MYO3A: variants seen among roughly 807,000 people sequenced by gnomAD.
The protein encoded by MYO3A is myosin IIIA.
MYO3A carries 180 observed loss-of-function variants against 192.7 expected under a neutral mutation model. The ratio of observed to expected loss-of-function variants is 0.93; its 90% CI spans 0.83 to 1.06. The LOEUF is 1.06. MYO3A is among the 50% of genes least tolerant of loss of function. The pLI, the probability that MYO3A is intolerant of heterozygous loss-of-function variation, is 0.00. For synonymous variants in MYO3A, 628 were observed against 645.3 expected (o/e 0.97, Z 0.41); for missense variants, 1,896 against 1,905.0 (o/e 1.00, Z 0.09).
chr10:26,147,080 G>A (rs1424142576), intron 22 of MYO3A, among the ~76,000 whole-genome samples: 2 of 152,122 alleles, frequency 1.3e-5, no homozygotes, highest in African/African-American at 4.8e-5. Flanking sequence ...AATTATCATA[G>A]AAATAGGAAT....
At chr10:25,992,286 G>A (rs1362211745) in intron 4 of MYO3A, among the ~76,000 whole-genome samples, 7 of 152,072 alleles carry the variant, frequency 4.6e-5, no homozygotes, top group Non-Finnish European at 7.4e-5. Context: ...ATTGTGAATG[G>A]GAGTTCACTC....
At chr10:26,190,496 G>A (rs1281398589) in intron 31 of MYO3A, among the ~76,000 whole-genome samples, 2 of 152,190 alleles carry the variant, frequency 1.3e-5, no homozygotes, top group Admixed American at 6.5e-5. Context: ...AACCTGAGGT[G>A]TGCATTAGGA....
intron 3 of MYO3A, among the ~76,000 whole-genome samples, chr10:25,953,829 T>C (rs1433849268): frequency 2.0e-5 from 3 of 152,168 alleles, no homozygotes; most frequent in East Asian, 1.9e-4. Context: ...ACAGTACATA[T>C]ACATTTTTCT....
At position 26,008,222 on chromosome 10, in the gene MYO3A, A is replaced by G. The variant is rs1841367659; in HGVS notation, c.509-8598A>G. On this transcript the variant is annotated intron_variant, in intron 6 of 34. Coordinates refer to ENST00000642920, the MANE Select transcript of MYO3A (RefSeq NM_017433.5). The stretch of plus-strand genomic sequence containing the variant: ...TGGATCCCTTCCTTACACCTTATAC[A>G]AAAATTAATTCAAGATGGATTAAAG... Among the ~76,000 whole-genome samples, 3 of 148,060 alleles carry G rather than the reference A, an allele frequency of 2.0e-5. No homozygotes were observed. The South Asian group carries it at 6.3e-4, about 31-fold the overall frequency.
intron 4 of MYO3A, among the ~76,000 whole-genome samples, chr10:25,985,180 G>C (rs967044166): frequency 6.7e-6 from 1 of 149,628 alleles, no homozygotes; most frequent in African/African-American, 2.5e-5. Context: ...AGAGGTTGCA[G>C]TGAGCTGAGA....
chr10:26,031,417 T>A (rs1229852985), intron 10 of MYO3A, among the ~76,000 whole-genome samples: 1 of 152,214 alleles, frequency 6.6e-6, no homozygotes. Context: ...GACTTTGAGC[T>A]TTATGTTGCT....
intron 10 of MYO3A, 126 bp from the exon 11 acceptor site, chr10:26,066,849 C>G: frequency 1.5e-6 from 1 of 677,894 alleles, no homozygotes; most frequent in South Asian, 1.7e-5. Flanking sequence ...AGGCTATTTT[C>G]TGGTATCTTA....
chr10:26,095,394 A>G (rs1234052061), intron 15 of MYO3A, among the ~76,000 whole-genome samples: 3 of 152,186 alleles, frequency 2.0e-5, no homozygotes, highest in Admixed American at 6.5e-5. Flanking sequence ...CTAAAACAGG[A>G]GGAGATCCTA....
At chr10:25,947,213 A>G (rs560321624) in intron 2 of MYO3A, among the ~76,000 whole-genome samples, 32 of 151,920 alleles carry the variant, frequency 2.1e-4, no homozygotes, top group African/African-American at 7.7e-4. Context: ...GAACTCCTTT[A>G]GTAAGATTTT....
chr10:26,201,181 T>C, intron 32 of MYO3A, 84 bp from the exon 33 acceptor site: 1 of 602,722 alleles, frequency 1.7e-6, no homozygotes, highest in Non-Finnish European at 2.6e-6. Flanking sequence ...AGTAAATGTA[T>C]TTACATATTA....
chr10:26,120,776 T>G lies in MYO3A; in HGVS notation c.1877T>G (p.Ile626Ser). ...GAACACCAGATTGACAAGAGCCACA[T>G]TTCTAATCATACAGCCCTGGAGAAC... ...ATEHQIDKSH[I>S]SNHTALENCA... is the part of the protein sequence containing the mutation. The change falls in exon 18 of 35, where the codon ATT (isoleucine) becomes AGT (serine). Residue 626 changes from isoleucine (I) to serine (S), a missense_variant. Coordinates refer to ENST00000642920, the MANE Select transcript of MYO3A (RefSeq NM_017433.5). 1 of 1,614,112 alleles carries G rather than the reference T, an allele frequency of 6.2e-7. No homozygotes were observed. Among genetic ancestry groups the G allele is most frequent in the Non-Finnish European group, 8.5e-7 (1 of 1,179,988 alleles).
At chr10:26,103,033 C>T (rs1837568181) in intron 17 of MYO3A, among the ~76,000 whole-genome samples, 1 of 152,232 alleles carries the variant, frequency 6.6e-6, no homozygotes, top group African/African-American at 2.4e-5. Context: ...CCTCCTTGAG[C>T]TGTGGTGGAC....
intron 4 of MYO3A, among the ~76,000 whole-genome samples, chr10:25,994,950 CT>C: frequency 6.6e-6 from 1 of 152,210 alleles, no homozygotes; most frequent in Non-Finnish European, 1.5e-5. Context: ...ATATTTTTTC[CT>C]TCATTTCAAC....
At chr10:26,079,780 C>T (rs1835807548) in intron 14 of MYO3A, among the ~76,000 whole-genome samples, 2 of 152,136 alleles carry the variant, frequency 1.3e-5, no homozygotes, top group African/African-American at 2.4e-5. Flanking sequence ...ATATATGATG[C>T]TTAGTTTCGC....
intron 10 of MYO3A, among the ~76,000 whole-genome samples, chr10:26,041,338 T>TTGTTG (rs1843335571): frequency 6.6e-6 from 1 of 151,546 alleles, no homozygotes; most frequent in Non-Finnish European, 1.5e-5. Context: ...AGTTTGGGTT[T>TTGTTG]TTGTTGTTGT....
intron 17 of MYO3A, among the ~76,000 whole-genome samples, chr10:26,101,079 C>T (rs1250876445): frequency 6.6e-6 from 1 of 152,122 alleles, no homozygotes; most frequent in South Asian, 2.1e-4. Context: ...TCTGGGTGCT[C>T]CTGTATTGGG....
chr10:26,149,233 T>G (rs1242386569), intron 23 of MYO3A, among the ~76,000 whole-genome samples: 1 of 152,066 alleles, frequency 6.6e-6, no homozygotes, highest in Non-Finnish European at 1.5e-5. Context: ...TTGTTTGTTT[T>G]TGTTTTTCAT....
At chr10:26,002,215 T>C (rs191216322) in intron 6 of MYO3A, among the ~76,000 whole-genome samples, 2 of 152,334 alleles carry the variant, frequency 1.3e-5, no homozygotes, top group East Asian at 3.9e-4. Flanking sequence ...ACACACATGA[T>C]ACTTTCCCTG....
At chr10:26,205,281 T>G (rs978000498) in intron 34 of MYO3A, among the ~76,000 whole-genome samples, 1 of 152,150 alleles carries the variant, frequency 6.6e-6, no homozygotes, top group African/African-American at 2.4e-5. Context: ...AAATCTACCC[T>G]CAGCAGTTTT....
Sources: allele counts gnomAD v4.1 joint callset (sites outside exome capture counted in the v4.1 genomes callset), GRCh38; gene constraint gnomAD v4.1.1; transcripts MANE v1.5; gene names NCBI Gene and HGNC (gene_info 2026-07-23, HGNC 2026-07-21).